Variants in FH observed in about 807,000 individuals in gnomAD.
The protein encoded by FH is fumarate hydratase.
FH carries 22 observed loss-of-function variants against 49.4 expected under a neutral mutation model. That is an observed-to-expected ratio of 0.45 (90% confidence interval 0.32 to 0.64). The LOEUF is 0.64. Ranked by LOEUF, FH falls within the 30% of genes least tolerant of loss-of-function variation. FH has a pLI of 0.05. For missense variants in FH, 526 were observed against 641.5 expected, an observed-to-expected ratio of 0.82 and a Z score of 1.95; for synonymous variants, 208 against 223.0, an observed-to-expected ratio of 0.93 and a Z score of 0.60.
rs373586584 is a variant in FH at position 241,517,221 on chromosome 1, C to T, written c.228G>A (p.Thr76=). Reference sequence around the variant, plus strand: ...TCACACCTCCAATCTTAAAGTTCATCGTAGATCTCACGGTCTGGGCGCCAT... The same window carrying T: ...TCACACCTCCAATCTTAAAGTTCATTGTAGATCTCACGGTCTGGGCGCCAT... ...KYYGAQTVRS[T]MNFKIGGVTE... The change falls in exon 2 of 10, where the codon ACG becomes ACA. Residue 76 remains threonine (T), a synonymous_variant. Coordinates refer to ENST00000366560, the MANE Select transcript of FH (RefSeq NM_000143.4). 1.8e-5 allele frequency: 29 copies of T among 1,614,022 alleles called. 1 individual carries two copies. The East Asian group carries it at 6.2e-4, about 35-fold the overall frequency.
rs565373349 is a variant in FH, at chr1:241,514,740, T to C, written c.268-1027A>G. Among the ~76,000 whole-genome samples, 6 of 152,314 alleles carry C rather than the reference T, an allele frequency of 3.9e-5. No homozygotes were observed. In the East Asian group the frequency reaches 1.2e-3, roughly 29 times the overall value. On this transcript the variant is annotated intron_variant, in intron 2 of 9. Coordinates refer to ENST00000366560, the MANE Select transcript of FH (RefSeq NM_000143.4). The stretch of plus-strand genomic sequence containing the variant: ...AATAGAAAAGGAAAACCAGAAAATT[T>C]GAAATTTCAATTTTAAGTAACTAAA...
intron 8 of FH, among the ~76,000 whole-genome samples, chr1:241,501,979 C>T (rs769828360): frequency 1.3e-5 from 2 of 152,150 alleles, no homozygotes; most frequent in African/African-American, 2.4e-5. Flanking sequence ...AAGAATGTTT[C>T]AAGGAGGGAC....
intron 5 of FH, among the ~76,000 whole-genome samples, chr1:241,507,540 T>C (rs575131289): frequency 6.6e-6 from 1 of 152,214 alleles, no homozygotes; most frequent in South Asian, 2.1e-4. Context: ...ATGCTTCTGA[T>C]AAAGTCAAAC....
At chr1:241,505,026 A>G (rs1659877229) in intron 6 of FH, among the ~76,000 whole-genome samples, 1 of 150,898 alleles carries the variant, frequency 6.6e-6, no homozygotes, top group Non-Finnish European at 1.5e-5. Context: ...CTCCTGCCTC[A>G]GCCTCCCAAG....
At chr1:241,502,206 A>T (rs1487785911) in intron 8 of FH, among the ~76,000 whole-genome samples, 1 of 152,134 alleles carries the variant, frequency 6.6e-6, no homozygotes, top group Non-Finnish European at 1.5e-5. Flanking sequence ...GCTTGTAGGG[A>T]GGCATTTTAT....
intron 1 of FH, 24 bp downstream of exon 1, chr1:241,519,567 C>A: frequency 6.5e-7 from 1 of 1,544,172 alleles, no homozygotes; most frequent in Non-Finnish European, 8.7e-7. Context: ...GCGGGGAGGC[C>A]GGGGGATGGC....
At chr1:241,501,339 TATTG>T (rs1013413596) in intron 8 of FH, among the ~76,000 whole-genome samples, 46 of 152,302 alleles carry the variant, frequency 3.0e-4, no homozygotes, top group African/African-American at 7.9e-4. Context: ...ATAAGGCAAA[TATTG>T]ATTATCTTTA....
chr1:241,515,512 G>C (rs911875620), intron 2 of FH, among the ~76,000 whole-genome samples: 1 of 152,030 alleles, frequency 6.6e-6, no homozygotes, highest in African/African-American at 2.4e-5. Context: ...CACCAAGAAG[G>C]CTGTAGATGG....
chr1:241,504,585 G>A (rs1659866050), intron 6 of FH, among the ~76,000 whole-genome samples: 1 of 152,000 alleles, frequency 6.6e-6, no homozygotes, highest in Admixed American at 6.5e-5. Flanking sequence ...AAGACTACAG[G>A]TGCACACCAC....
intron 5 of FH, among the ~76,000 whole-genome samples, chr1:241,508,371 A>C (rs1295952536): frequency 1.3e-5 from 2 of 152,240 alleles, no homozygotes; most frequent in Non-Finnish European, 2.9e-5. Flanking sequence ...TACACAGCAA[A>C]GCTAAGATTT....
At chr1:241,515,237 A>G (rs1271273724) in intron 2 of FH, among the ~76,000 whole-genome samples, 1 of 152,116 alleles carries the variant, frequency 6.6e-6, no homozygotes, top group Non-Finnish European at 1.5e-5. Context: ...CAAAATCGAG[A>G]CCCCAGGTGT....
In FH at chr1:241,519,695, G is replaced by A. The variant is rs201507555; in HGVS notation, c.28C>T (p.Arg10Cys). The A allele has an allele frequency of 7.8e-6, 12 of 1,546,742 alleles. No individual in the cohort carries two copies. Among genetic ancestry groups the A allele is most frequent in the African/African-American group, 1.4e-5 (1 of 72,920 alleles). The change falls in exon 1 of 10, where the codon CGC (arginine) becomes TGC (cysteine). Residue 10 changes from arginine to cysteine, a missense_variant. Transcript: ENST00000366560. ...GGAGCCCGCACGAGGGGACGCGAGC[G>A]CGCGAGGAGCCGAAGTGCTCGGTAC... MYRALRLLA[R>C]SRPLVRAPAA... is the part of the protein sequence containing the mutation.
At chr1:241,516,658 A>T (rs12057640) in intron 2 of FH, among the ~76,000 whole-genome samples, 121 of 148,614 alleles carry the variant, frequency 8.1e-4, no homozygotes, top group African/African-American at 2.9e-3. Flanking sequence ...AATTAAATTA[A>T]TTTTTTTTTT....
rs146211504 is a variant in FH, at chr1:241,498,453, G to A, written c.1391-483C>T. ...GAGAAGTCCTCGCAGTGAGGCAGGC[G>A]CAGGCAGGGCCTGGGGAGGGGTGCC... is the stretch of plus-strand genomic sequence containing the variant. On this transcript the variant is annotated intron_variant, in intron 9 of 9. Transcript: ENST00000366560. 5.1e-3 allele frequency among the ~76,000 whole-genome samples: 768 copies of A among 151,758 alleles called. 10 individuals are homozygous for A. The highest frequency in any genetic ancestry group is 0.017 in the African/African-American group (719 of 41,380).
At chr1:241,519,509 C>T in intron 1 of FH, 82 bp downstream of exon 1, 2 of 1,479,852 alleles carry the variant, frequency 1.4e-6, no homozygotes, top group Non-Finnish European at 1.8e-6. Flanking sequence ...ATCTCTCCCG[C>T]CAAGTCGCGG....
At chr1:241,513,562 G>T (rs746281575) in intron 3 of FH, 41 bp downstream of exon 3, 1 of 1,390,900 alleles carries the variant, frequency 7.2e-7, no homozygotes, top group Admixed American at 1.7e-5. Flanking sequence ...AGTATGGCAT[G>T]GGTCTGAGGT....
intron 5 of FH, among the ~76,000 whole-genome samples, chr1:241,507,053 T>C (rs560834658): frequency 2.0e-5 from 3 of 152,300 alleles, no homozygotes; most frequent in Non-Finnish European, 4.4e-5. Flanking sequence ...ACCTGATGCA[T>C]CTGATATAAC....
At chr1:241,498,716 T>TATATATATATATATATAA in intron 9 of FH, among the ~76,000 whole-genome samples, 1 of 91,802 alleles carries the variant, frequency 1.1e-5, no homozygotes, top group Non-Finnish European at 2.2e-5. Context: ...TATATATATA[T>TATATATATATATATATAA]ATATATATAT....
chr1:241,504,035 T>G lies in FH; in HGVS notation c.1108+7A>C. On this transcript the variant is annotated splice_region_variant and intron_variant, in intron 7 of 9. Coordinates refer to ENST00000366560, the MANE Select transcript of FH (RefSeq NM_000143.4). ...TTAGCTCCAACATTTACTAGCTATG[T>G]GATTACCTGGCATGATACTGCTTCC... The G allele has an allele frequency of 6.2e-7, 1 of 1,612,862 alleles. No individual in the cohort carries two copies. Among genetic ancestry groups the G allele is most frequent in the Non-Finnish European group, 8.5e-7 (1 of 1,179,302 alleles).
Sources: allele counts gnomAD v4.1 joint callset (sites outside exome capture counted in the v4.1 genomes callset), GRCh38; gene constraint gnomAD v4.1.1; transcripts MANE v1.5; gene names NCBI Gene and HGNC (gene_info 2026-07-23, HGNC 2026-07-21).